EPM2A: variants seen among roughly 807,000 people sequenced by gnomAD.
EPM2A encodes the protein laforin.
A neutral mutation model predicts 26.5 loss-of-function variants in EPM2A; 21 were observed. The observed-to-expected ratio is 0.79, with a 90% confidence interval of 0.56 to 1.14. The LOEUF (loss-of-function observed/expected upper bound fraction) is 1.14. EPM2A is among the 50% of genes most tolerant of loss of function. EPM2A has a pLI of 0.00. For missense variants in EPM2A, 458 were observed against 440.8 expected (o/e 1.04, Z -0.35); for synonymous variants, 217 against 177.6 (o/e 1.22, Z -1.76).
chr6:145,478,856 G>C (rs1779577218), intron 4 of EPM2A, among the ~76,000 whole-genome samples: 1 of 151,660 alleles, frequency 6.6e-6, no homozygotes, highest in East Asian at 1.9e-4. Context: ...AATGTAGTCT[G>C]TATGATAATA....
At chr6:145,656,678 A>T (rs1778315752) in intron 2 of EPM2A, among the ~76,000 whole-genome samples, 1 of 151,446 alleles carries the variant, frequency 6.6e-6, no homozygotes, top group African/African-American at 2.5e-5. Context: ...AACATCATAG[A>T]AAACGGTTGA....
chr6:145,404,291 C>T (rs1778536847), intron 4 of EPM2A, among the ~76,000 whole-genome samples: 1 of 151,964 alleles, frequency 6.6e-6, no homozygotes, highest in Admixed American at 6.6e-5. Context: ...TTTTTAAACA[C>T]CCAAGTTTTT....
At chr6:145,479,596 T>C (rs972938025) in intron 4 of EPM2A, among the ~76,000 whole-genome samples, 1 of 152,048 alleles carries the variant, frequency 6.6e-6, no homozygotes, top group Non-Finnish European at 1.5e-5. Flanking sequence ...TTGTAGCATG[T>C]TTCAGAACTT....
intron 4 of EPM2A, among the ~76,000 whole-genome samples, chr6:145,470,153 A>G (rs925838167): frequency 6.6e-6 from 1 of 152,124 alleles, no homozygotes; most frequent in South Asian, 2.1e-4. Flanking sequence ...TTTATTGTAT[A>G]TTTTAAAATA....
chr6:145,601,534 C>A (rs1781416727), intron 2 of EPM2A, among the ~76,000 whole-genome samples: 1 of 152,194 alleles, frequency 6.6e-6, no homozygotes, highest in African/African-American at 2.4e-5. Flanking sequence ...TAGGAATATT[C>A]ATTCCTTTGT....
chr6:145,686,397 C>T, intron 1 of EPM2A, 101 bp from the exon 2 acceptor site: 1 of 899,750 alleles, frequency 1.1e-6, no homozygotes, highest in Non-Finnish European at 1.8e-6. Context: ...AAAAAATAAA[C>T]ATAAAGCTAC....
chr6:145,571,733 C>T (rs973432588), intron 2 of EPM2A, among the ~76,000 whole-genome samples: 4 of 152,284 alleles, frequency 2.6e-5, no homozygotes, highest in South Asian at 4.2e-4. Flanking sequence ...TGGAAGTCCA[C>T]GTTGCTGAGA....
At chr6:145,625,197 AAAC>A (rs1775725057), downstream of EPM2A, 1 of 153,226 alleles carries the variant, frequency 6.5e-6, no homozygotes, top group East Asian at 1.9e-4. Flanking sequence ...CAAGAAAAAT[AAAC>A]AATTTAGCTC....
At chr6:145,623,205 T>C (rs1210485709), downstream of EPM2A, among the ~76,000 whole-genome samples, 1 of 152,172 alleles carries the variant, frequency 6.6e-6, no homozygotes, top group Non-Finnish European at 1.5e-5. Context: ...TATAATGCAG[T>C]GAAGCTTACA....
chr6:145,509,832 A>T (rs943909966), intron 2 of EPM2A, among the ~76,000 whole-genome samples: 1 of 152,188 alleles, frequency 6.6e-6, no homozygotes, highest in Non-Finnish European at 1.5e-5. Flanking sequence ...TGCTGTTTTT[A>T]AGAGATCTAT....
At chr6:145,556,588 C>T (rs770294701) in intron 2 of EPM2A, among the ~76,000 whole-genome samples, 1 of 151,938 alleles carries the variant, frequency 6.6e-6, no homozygotes, top group South Asian at 2.1e-4. Context: ...GGAAAGAGAG[C>T]AATTTCATTA....
At chr6:145,659,614 A>T (rs1374168026) in intron 2 of EPM2A, among the ~76,000 whole-genome samples, 1 of 152,264 alleles carries the variant, frequency 6.6e-6, no homozygotes, top group Non-Finnish European at 1.5e-5. Context: ...GAGATCAATT[A>T]AAGAAAATAA....
chr6:145,391,491 T>A (rs1778336390), intron 4 of EPM2A, among the ~76,000 whole-genome samples: 1 of 152,192 alleles, frequency 6.6e-6, no homozygotes, highest in Non-Finnish European at 1.5e-5. Context: ...ACATGTAATG[T>A]ACATGCTAGC....
intron 4 of EPM2A, among the ~76,000 whole-genome samples, chr6:145,433,719 T>A (rs1330142330): frequency 6.6e-6 from 1 of 152,196 alleles, no homozygotes; most frequent in African/African-American, 2.4e-5. Context: ...ATTAACACTG[T>A]AAGAATACAT....
chr6:145,695,730 A>G (rs993608240), intron 1 of EPM2A, among the ~76,000 whole-genome samples: 13 of 152,186 alleles, frequency 8.5e-5, no homozygotes, highest in Admixed American at 8.5e-4. Context: ...TAAAGGTGTC[A>G]ATTCTTCAAC....
intron 2 of EPM2A, among the ~76,000 whole-genome samples, chr6:145,552,629 AG>A (rs1480735555): frequency 1.3e-5 from 2 of 152,174 alleles, no homozygotes; most frequent in Non-Finnish European, 2.9e-5. Flanking sequence ...ACATGTAAAA[AG>A]GAATCATGTG....
chr6:145,584,316 T>A (rs528817075), intron 2 of EPM2A, among the ~76,000 whole-genome samples: 2 of 152,238 alleles, frequency 1.3e-5, no homozygotes, highest in East Asian at 3.9e-4. Flanking sequence ...GCACCCTGAT[T>A]GGGCATCCAA....
rs183985700 is a variant in EPM2A at position 145,398,021 on chromosome 6, G to A, written c.556-13924C>T. On this transcript the variant is annotated intron_variant, in intron 4 of 4. Transcript: ENST00000638717. ...CACAGTTATCATTTTCTTACATAAA[G>A]TATTGAGATACCCACCCCCACCTTG... is the stretch of plus-strand genomic sequence containing the variant. Among the ~76,000 whole-genome samples, 43 of 152,218 alleles carry A rather than the reference G, an allele frequency of 2.8e-4. No homozygotes were observed. The East Asian group carries it at 7.9e-3, about 28-fold the overall frequency.
chr6:145,479,423 T>C (rs1779586506), intron 4 of EPM2A, among the ~76,000 whole-genome samples: 2 of 151,540 alleles, frequency 1.3e-5, no homozygotes, highest in Admixed American at 1.3e-4. Context: ...ACAGAAACTC[T>C]ATGACCATTA....
Sources: gnomAD v4.1 joint callset for allele counts (sites outside exome capture counted in the v4.1 genomes callset) on GRCh38, gnomAD v4.1.1 for gene constraint, MANE v1.5 for transcripts, NCBI Gene and HGNC (gene_info 2026-07-23, HGNC 2026-07-21) for gene names.